Variants in SVIL observed in about 807,000 individuals in gnomAD.
SVIL encodes archvillin.
In SVIL, 101 loss-of-function variants were observed where a neutral mutation model predicts 240.4. The ratio of observed to expected loss-of-function variants is 0.42; its 90% CI spans 0.36 to 0.50. SVIL has a LOEUF of 0.50. Among genes scored for constraint, SVIL ranks in the 20% least tolerant of loss-of-function variants. The pLI, the probability that SVIL is intolerant of heterozygous loss-of-function variation, is 0.01. For synonymous variants in SVIL, 999 were observed against 1,100.0 expected (o/e 0.91, Z 1.82); for missense variants, 2,512 against 2,818.7 (o/e 0.89, Z 2.46).
At chr10:29,530,121 C>T (rs1951251035) in intron 11 of SVIL, among the ~76,000 whole-genome samples, 1 of 152,094 alleles carries the variant, frequency 6.6e-6, no homozygotes, top group African/African-American at 2.4e-5. Context: ...CTGCAGTGAG[C>T]TATGATCACA....
At chr10:29,557,943 C>T (rs1954089231) in intron 3 of SVIL, among the ~76,000 whole-genome samples, 1 of 152,200 alleles carries the variant, frequency 6.6e-6, no homozygotes, top group African/African-American at 2.4e-5. Flanking sequence ...GCTGTGAGCT[C>T]TGCCGCAGGA....
intron 18 of SVIL, among the ~76,000 whole-genome samples, chr10:29,498,768 C>T (rs1271574927): frequency 1.3e-5 from 2 of 151,942 alleles, no homozygotes; most frequent in African/African-American, 4.8e-5. Context: ...ATTACTTAAG[C>T]CCAAGAGTTT....
intron 1 of SVIL, among the ~76,000 whole-genome samples, chr10:29,624,670 TA>T (rs966489721): frequency 4.1e-4 from 60 of 146,860 alleles, no homozygotes; most frequent in African/African-American, 8.7e-4. Flanking sequence ...AAAGTCTCAT[TA>T]AAAAAAAAAA....
intron 30 of SVIL, 34 bp downstream of exon 30, chr10:29,473,804 C>T (rs1945855568): frequency 6.2e-6 from 10 of 1,613,182 alleles, no homozygotes; most frequent in Non-Finnish European, 8.5e-6. Flanking sequence ...ATGCTCCTCT[C>T]AGTCCCCGGG....
intron 1 of SVIL, among the ~76,000 whole-genome samples, chr10:29,727,669 G>A (rs564359629): frequency 1.3e-5 from 2 of 151,476 alleles, no homozygotes; most frequent in East Asian, 3.9e-4. Flanking sequence ...AGACTATTTC[G>A]GCATGGGTAA....
chr10:29,680,903 A>G (rs1354870188), intron 2 of SVIL, among the ~76,000 whole-genome samples: 3 of 150,010 alleles, frequency 2.0e-5, no homozygotes, highest in Non-Finnish European at 3.0e-5. Flanking sequence ...TGGGCGACAG[A>G]GTGAGACTCC....
At chr10:29,482,041 TTTTTA>T (rs1362758568) in intron 27 of SVIL, among the ~76,000 whole-genome samples, 1 of 139,204 alleles carries the variant, frequency 7.2e-6, no homozygotes, top group African/African-American at 3.0e-5. Context: ...TTTTTTTTTT[TTTTTA>T]GAGATAAGGT....
At chr10:29,488,915 G>A (rs1033927130) in intron 22 of SVIL, among the ~76,000 whole-genome samples, 159 bp from the exon 23 acceptor site, 3 of 152,232 alleles carry the variant, frequency 2.0e-5, no homozygotes, top group Non-Finnish European at 4.4e-5. Flanking sequence ...GCAATTCAAT[G>A]CTTAACCACT....
chr10:29,567,561 T>G (rs1376409057), intron 2 of SVIL, among the ~76,000 whole-genome samples: 2 of 152,228 alleles, frequency 1.3e-5, no homozygotes, highest in African/African-American at 2.4e-5. Context: ...GTCCATGATT[T>G]GAGAATAGCT....
chr10:29,622,116 G>A (rs572304409), intron 1 of SVIL, among the ~76,000 whole-genome samples: 459 of 151,272 alleles, frequency 3.0e-3, no homozygotes, highest in African/African-American at 0.011. Context: ...CGGGCGTGGT[G>A]GCGGGCGCCT....
intron 3 of SVIL, among the ~76,000 whole-genome samples, chr10:29,641,884 T>C (rs973551113): frequency 6.6e-6 from 1 of 152,112 alleles, no homozygotes; most frequent in Non-Finnish European, 1.5e-5. Context: ...CTTGTGTTGG[T>C]GGAAAACAGA....
intron 1 of SVIL, among the ~76,000 whole-genome samples, chr10:29,722,532 T>G (rs1373873869): frequency 6.6e-6 from 1 of 152,218 alleles, no homozygotes; most frequent in East Asian, 1.9e-4. Flanking sequence ...AATGGTCATT[T>G]TCCAGGTTTT....
At chr10:29,568,363 T>G (rs909188274) in intron 2 of SVIL, among the ~76,000 whole-genome samples, 14 of 151,902 alleles carry the variant, frequency 9.2e-5, no homozygotes, top group African/African-American at 3.4e-4. Context: ...TAGACCCCTG[T>G]CTATCCTAAT....
intron 32 of SVIL, among the ~76,000 whole-genome samples, 192 bp downstream of exon 32, chr10:29,470,084 G>A (rs561587990): frequency 2.6e-5 from 4 of 152,266 alleles, no homozygotes; most frequent in Admixed American, 2.6e-4. Context: ...CCCCCAAGTC[G>A]GAGGTCTGGA....
intron 2 of SVIL, among the ~76,000 whole-genome samples, chr10:29,683,231 A>G (rs1323375891): frequency 6.6e-6 from 1 of 152,222 alleles, no homozygotes; most frequent in Non-Finnish European, 1.5e-5. Flanking sequence ...ATTGGCTGAA[A>G]GAGTTAAATT....
intron 1 of SVIL, among the ~76,000 whole-genome samples, chr10:29,618,681 T>G (rs1305954908): frequency 6.6e-6 from 1 of 152,164 alleles, no homozygotes; most frequent in African/African-American, 2.4e-5. Flanking sequence ...AACCCTGGAC[T>G]ACTCCTTTCC....
At chr10:29,577,939 G>A (rs529949475) in intron 1 of SVIL, among the ~76,000 whole-genome samples, 4 of 152,228 alleles carry the variant, frequency 2.6e-5, no homozygotes, top group South Asian at 2.1e-4. Context: ...AAATGGGTCC[G>A]TGAATTGGAA....
chr10:29,533,447 C>G lies in SVIL; in HGVS notation c.920G>C (p.Arg307Thr), dbSNP rs759548423. The change falls in exon 8 of 38, where the codon AGA (arginine) becomes ACA (threonine). Residue 307 changes from arginine to threonine, a missense_variant. Coordinates refer to ENST00000355867, the MANE Select transcript of SVIL (RefSeq NM_021738.3). Reference protein sequence around the residue: ...LINWPSRVKVREKLVKEESAR... With the variant: ...LINWPSRVKVTEKLVKEESAR... Reference sequence around the variant, plus strand: ...ACTTTCCTCTTTCACCAATTTTTCTCTAACTTTAACTCTTTAAGAAAGAAA... The same window carrying G: ...ACTTTCCTCTTTCACCAATTTTTCTGTAACTTTAACTCTTTAAGAAAGAAA... 1 of 1,612,616 alleles carries G rather than the reference C, an allele frequency of 6.2e-7. No individual in the cohort carries two copies. The highest frequency in any genetic ancestry group is 1.7e-5 in the Admixed American group (1 of 59,896).
chr10:29,717,249 A>ATC (rs1963682516), intron 1 of SVIL, among the ~76,000 whole-genome samples: 1 of 148,180 alleles, frequency 6.7e-6, no homozygotes. Flanking sequence ...AAAAAAAAAA[A>ATC]AAAAAAAAAA....
Sources: gnomAD v4.1 joint callset for allele counts (sites outside exome capture counted in the v4.1 genomes callset) on GRCh38, gnomAD v4.1.1 for gene constraint, MANE v1.5 for transcripts, NCBI Gene and HGNC (gene_info 2026-07-23, HGNC 2026-07-21) for gene names.